Variants in MTAP observed in about 807,000 individuals in gnomAD.
The protein encoded by MTAP is S-methyl-5'-thioadenosine phosphorylase.
MTAP carries 33 observed loss-of-function variants against 33.6 expected under a neutral mutation model. The observed-to-expected ratio is 0.98, with a 90% confidence interval of 0.74 to 1.31. The LOEUF (loss-of-function observed/expected upper bound fraction) is 1.31. Among genes scored for constraint, MTAP ranks in the 40% most tolerant of loss-of-function variants. MTAP has a pLI of 0.00. For missense variants in MTAP, 367 were observed against 360.0 expected, an observed-to-expected ratio of 1.02 and a Z score of -0.16; for synonymous variants, 148 against 125.7, an observed-to-expected ratio of 1.18 and a Z score of -1.19.
chr9:21,818,644 T>G (rs1333842859), intron 4 of MTAP, among the ~76,000 whole-genome samples: 4 of 152,152 alleles, frequency 2.6e-5, no homozygotes, highest in Non-Finnish European at 5.9e-5. Flanking sequence ...CTTTTCATTG[T>G]GAGTTTTTGT....
At chr9:21,818,565 G>T (rs1292636920) in intron 4 of MTAP, among the ~76,000 whole-genome samples, 1 of 151,842 alleles carries the variant, frequency 6.6e-6, no homozygotes, top group African/African-American at 2.4e-5. Flanking sequence ...GAGATCACCC[G>T]CCTCCGCCTC....
At chr9:21,873,603 CACCCCCG>C (rs1563855650) in intron 1 of MTAP, among the ~76,000 whole-genome samples, 2 of 92,762 alleles carry the variant, frequency 2.2e-5, no homozygotes, top group Non-Finnish European at 1.9e-5. Context: ...CTTGGACTTC[CACCCCCG>C]CCCCCCACCC....
chr9:21,877,204 G>T (rs914958332), intron 1 of MTAP, among the ~76,000 whole-genome samples: 8 of 152,060 alleles, frequency 5.3e-5, no homozygotes, highest in Non-Finnish European at 8.8e-5. Flanking sequence ...TTTGTACATT[G>T]ATTTTGTATC....
chr9:21,937,817 A>G (rs1819065330), downstream of MTAP, among the ~76,000 whole-genome samples: 1 of 152,196 alleles, frequency 6.6e-6, no homozygotes, highest in Non-Finnish European at 1.5e-5. Flanking sequence ...GATTCCTGGA[A>G]TATCTCAAAA....
chr9:21,807,554 A>G (rs1165404848), intron 1 of MTAP, among the ~76,000 whole-genome samples: 1 of 152,138 alleles, frequency 6.6e-6, no homozygotes, highest in Non-Finnish European at 1.5e-5. Context: ...AACCTCCTCC[A>G]CAGAAATGCC....
At chr9:21,939,122 G>T (rs1399717179), downstream of MTAP, among the ~76,000 whole-genome samples, 1 of 152,120 alleles carries the variant, frequency 6.6e-6, no homozygotes, top group Non-Finnish European at 1.5e-5. Context: ...GGTTAATCAG[G>T]GGTTTCTGCT....
At chr9:21,900,730 A>C (rs1818377778) in intron 1 of MTAP, among the ~76,000 whole-genome samples, 1 of 152,232 alleles carries the variant, frequency 6.6e-6, no homozygotes, top group African/African-American at 2.4e-5. Context: ...TGTTCATCAC[A>C]GCACTATTCA....
chr9:21,867,575 T>C (rs1048893039), downstream of MTAP, among the ~76,000 whole-genome samples: 4 of 152,182 alleles, frequency 2.6e-5, no homozygotes, highest in East Asian at 7.7e-4. Context: ...TTTGTTTGAT[T>C]TTTGCATCTA....
At chr9:21,812,925 G>A (rs753477317) in intron 1 of MTAP, among the ~76,000 whole-genome samples, 3 of 152,116 alleles carry the variant, frequency 2.0e-5, no homozygotes, top group Non-Finnish European at 2.9e-5. Context: ...CTCTTTCTTC[G>A]TTTGTAAAAC....
intron 1 of MTAP, chr9:21,929,762 A>T (rs1818925882): frequency 9.2e-6 from 2 of 217,830 alleles, no homozygotes; most frequent in Non-Finnish European, 1.9e-5. Context: ...TTTACTTGAC[A>T]TCCACAAGGC....
At chr9:21,895,718 C>G (rs906681263) in intron 1 of MTAP, among the ~76,000 whole-genome samples, 2 of 152,232 alleles carry the variant, frequency 1.3e-5, no homozygotes, top group Admixed American at 1.3e-4. Context: ...ACTGCTAGCA[C>G]GGCAGTCTGA....
chr9:21,901,873 CTG>C (rs1337597713), intron 1 of MTAP, among the ~76,000 whole-genome samples: 2 of 152,288 alleles, frequency 1.3e-5, no homozygotes, highest in African/African-American at 2.4e-5. Context: ...AGAGATTACT[CTG>C]TGTGCTATGA....
chr9:21,863,404 G>C lies in MTAP; in HGVS notation c.*1390G>C. 2.6e-6 allele frequency: 2 copies of C among 766,094 alleles called. No homozygotes were observed. Among genetic ancestry groups the C allele is most frequent in the African/African-American group, 3.8e-5 (2 of 52,940 alleles). The allele number at this position is 766,094 out of a possible 1,614,324, so 47.5% of individuals were successfully genotyped here. A position where few individuals can be genotyped will look rare whatever the true frequency, so the allele number is the denominator to read the frequency against. ...GGGTGGATCACAAGGTCAGGAGATC[G>C]AGACCATCCTGGCTAATGCGTTGAA... is the stretch of plus-strand genomic sequence containing the variant. On this transcript the variant is annotated 3_prime_UTR_variant, in exon 8 of 8. Coordinates refer to ENST00000644715, the MANE Select transcript of MTAP (RefSeq NM_002451.4).
chr9:21,830,817 C>A (rs1214413080), intron 4 of MTAP, among the ~76,000 whole-genome samples: 2 of 152,170 alleles, frequency 1.3e-5, no homozygotes, highest in Non-Finnish European at 2.9e-5. Context: ...GACTATGCAT[C>A]ACTGGGCCTT....
At chr9:21,851,899 A>G (rs900529733) in intron 5 of MTAP, among the ~76,000 whole-genome samples, 1 of 152,138 alleles carries the variant, frequency 6.6e-6, no homozygotes, top group African/African-American at 2.4e-5. Context: ...TCAAACTCCA[A>G]GTTCTTCAGT....
chr9:21,814,743 C>T (rs1004464086), intron 1 of MTAP, among the ~76,000 whole-genome samples: 9 of 152,034 alleles, frequency 5.9e-5, no homozygotes, highest in African/African-American at 2.2e-4. Context: ...TTTATATTTG[C>T]ATAAATGTAT....
downstream of MTAP, chr9:21,935,995 C>T (rs1041823612): frequency 6.6e-6 from 1 of 152,140 alleles, no homozygotes; most frequent in Non-Finnish European, 1.5e-5. Context: ...GAATAAAAGA[C>T]ATGATGCAAA....
chr9:21,912,191 T>C (rs1157731295), intron 1 of MTAP, among the ~76,000 whole-genome samples: 1 of 152,212 alleles, frequency 6.6e-6, no homozygotes, highest in Non-Finnish European at 1.5e-5. Flanking sequence ...ACAGCCGAAT[T>C]CTACCAGAGG....
At chr9:21,891,345 AT>A (rs1329413955) in intron 1 of MTAP, among the ~76,000 whole-genome samples, 4 of 152,192 alleles carry the variant, frequency 2.6e-5, no homozygotes, top group Non-Finnish European at 4.4e-5. Flanking sequence ...AATGAATATC[AT>A]TGAGATTCAG....
Sources: allele counts gnomAD v4.1 joint callset (sites outside exome capture counted in the v4.1 genomes callset), GRCh38; gene constraint gnomAD v4.1.1; transcripts MANE v1.5; gene names NCBI Gene and HGNC (gene_info 2026-07-23, HGNC 2026-07-21).